Variants in PDE4D observed in about 807,000 individuals in gnomAD.
PDE4D encodes 3',5'-cyclic-AMP phosphodiesterase 4D.
Under a neutral mutation model 87.4 loss-of-function variants are expected in PDE4D, and 24 were observed. That is an observed-to-expected ratio of 0.27 (90% CI 0.20 to 0.39). PDE4D has a LOEUF of 0.39. Among genes scored for constraint, PDE4D ranks in the 10% least tolerant of loss-of-function variants. The pLI, the probability that PDE4D is intolerant of heterozygous loss-of-function variation, is 1.00. For synonymous variants in PDE4D, 384 were observed against 383.2 expected (o/e 1.00, Z -0.02); for missense variants, 714 against 1,041.0 (o/e 0.69, Z 4.32).
At chr5:58,984,367 G>T (rs1210744791) in intron 11 of PDE4D, among the ~76,000 whole-genome samples, 1 of 152,166 alleles carries the variant, frequency 6.6e-6, no homozygotes, top group African/African-American at 2.4e-5. Flanking sequence ...TTAAGAGCCA[G>T]GGATTTGTCT....
intron 3 of PDE4D, among the ~76,000 whole-genome samples, chr5:59,943,944 G>A (rs1757455149): frequency 6.6e-6 from 1 of 152,182 alleles, no homozygotes; most frequent in South Asian, 2.1e-4. Flanking sequence ...AAGATGAATG[G>A]CAAATGAGGA....
At chr5:59,364,043 T>C (rs904598394) in intron 1 of PDE4D, among the ~76,000 whole-genome samples, 1 of 152,222 alleles carries the variant, frequency 6.6e-6, no homozygotes, top group African/African-American at 2.4e-5. Flanking sequence ...GGGGCTACAA[T>C]AGAAATCCAG....
chr5:60,393,501 T>TA (rs1420478631), intron 1 of PDE4D, among the ~76,000 whole-genome samples: 2 of 152,154 alleles, frequency 1.3e-5, no homozygotes, highest in African/African-American at 4.8e-5. Context: ...CTACTACAAA[T>TA]AAAAAACACT....
intron 1 of PDE4D, among the ~76,000 whole-genome samples, chr5:59,827,566 A>G (rs1293814421): frequency 1.3e-5 from 2 of 152,160 alleles, no homozygotes; most frequent in East Asian, 3.9e-4. Context: ...TACTCACTCA[A>G]TTTTACTGCC....
intron 1 of PDE4D, among the ~76,000 whole-genome samples, chr5:60,465,934 G>A (rs1747320750): frequency 6.6e-6 from 1 of 150,542 alleles, no homozygotes; most frequent in African/African-American, 2.4e-5. Context: ...GAACAATGAA[G>A]GGACAGAGTA....
chr5:59,713,983 C>A (rs946938755), intron 1 of PDE4D, among the ~76,000 whole-genome samples: 14 of 152,092 alleles, frequency 9.2e-5, no homozygotes, highest in African/African-American at 3.4e-4. Flanking sequence ...AGGTGGGGTG[C>A]CTGAAGGCCT....
intron 1 of PDE4D, among the ~76,000 whole-genome samples, chr5:59,471,392 T>A (rs1193415561): frequency 6.6e-6 from 1 of 152,178 alleles, no homozygotes; most frequent in East Asian, 1.9e-4. Context: ...GAAGATTAAA[T>A]CAAAAAAGCT....
intron 1 of PDE4D, among the ~76,000 whole-genome samples, chr5:59,536,503 TCAAAAAAAAAAAAAA>T (rs1174535986): frequency 1.0e-4 from 2 of 19,902 alleles, no homozygotes; most frequent in African/African-American, 7.1e-4. Flanking sequence ...AGACTCAGCC[TCAAAAAAAAAAAAAA>T]AAAAAAAAAA....
chr5:59,974,089 C>T (rs903607636), intron 3 of PDE4D, among the ~76,000 whole-genome samples: 2 of 152,166 alleles, frequency 1.3e-5, no homozygotes, highest in African/African-American at 4.8e-5. Flanking sequence ...AAGGTCACAA[C>T]AGTAACCCCG....
intron 1 of PDE4D, among the ~76,000 whole-genome samples, chr5:60,329,728 G>A (rs1292125376): frequency 1.3e-5 from 2 of 151,878 alleles, no homozygotes; most frequent in South Asian, 2.1e-4. Context: ...TCTAAAAGTC[G>A]GAGAGAAAGC....
chr5:59,151,452 G>A (rs538702319), intron 5 of PDE4D, among the ~76,000 whole-genome samples: 1 of 152,250 alleles, frequency 6.6e-6, no homozygotes, highest in Admixed American at 6.5e-5. Context: ...TATCTGGTTG[G>A]TTTCTGTCTG....
At chr5:59,051,962 T>C (rs1190987268) in intron 5 of PDE4D, among the ~76,000 whole-genome samples, 2 of 152,198 alleles carry the variant, frequency 1.3e-5, no homozygotes, top group Non-Finnish European at 2.9e-5. Context: ...TTCTCTCTTT[T>C]TCCCCCTGAA....
chr5:59,429,232 C>T (rs1008185993), intron 1 of PDE4D, among the ~76,000 whole-genome samples: 3 of 152,136 alleles, frequency 2.0e-5, no homozygotes, highest in African/African-American at 4.8e-5. Flanking sequence ...GCAACTGAGC[C>T]ATGTTGGGTG....
In PDE4D at chr5:59,215,552, C is replaced by CGTGT. The variant is rs10693866; in HGVS notation, c.647+221_647+224dup. On this transcript the variant is annotated intron_variant, in intron 2 of 14. Transcript: ENST00000340635. ...TATTTTCTGGGAAAATAAATACATG[C>CGTGT]GTGTGTGTGTGTGTGTGTGTGTGTG... is the stretch of plus-strand genomic sequence containing the variant. The CGTGT allele has an allele frequency of 0.042, 15,221 of 363,598 alleles. 368 individuals are homozygous for CGTGT. Among genetic ancestry groups the CGTGT allele is most frequent in the African/African-American group, 0.12 (4,882 of 40,384 alleles). The allele number at this position is 363,598 out of a possible 1,614,324, so 22.5% of individuals were successfully genotyped here. A position where few individuals can be genotyped will look rare whatever the true frequency, so the allele number is the denominator to read the frequency against.
chr5:60,294,927 T>C (rs1753234571), intron 1 of PDE4D, among the ~76,000 whole-genome samples: 1 of 152,082 alleles, frequency 6.6e-6, no homozygotes, highest in Admixed American at 6.5e-5. Flanking sequence ...TTAAGATAAA[T>C]TTGAATATAT....
chr5:59,858,031 G>C (rs1745715553), intron 1 of PDE4D, among the ~76,000 whole-genome samples: 1 of 151,952 alleles, frequency 6.6e-6, no homozygotes, highest in Non-Finnish European at 1.5e-5. Flanking sequence ...GGAGGGAGTA[G>C]GGAGGCATGC....
chr5:60,031,152 T>A (rs995320788), intron 2 of PDE4D, among the ~76,000 whole-genome samples: 2 of 152,234 alleles, frequency 1.3e-5, no homozygotes, highest in African/African-American at 4.8e-5. Flanking sequence ...TTCCTTGACA[T>A]CTTTAGCATC....
At chr5:59,085,131 C>T (rs1767437621) in intron 5 of PDE4D, among the ~76,000 whole-genome samples, 1 of 152,046 alleles carries the variant, frequency 6.6e-6, no homozygotes, top group South Asian at 2.1e-4. Context: ...CACAATAGTG[C>T]TTATAATGTG....
intron 6 of PDE4D, among the ~76,000 whole-genome samples, chr5:59,021,830 A>C (rs927361862): frequency 6.6e-6 from 1 of 152,180 alleles, no homozygotes; most frequent in African/African-American, 2.4e-5. Context: ...GCATCTAATA[A>C]TAACCTATGA....
Sources: allele counts gnomAD v4.1 joint callset (sites outside exome capture counted in the v4.1 genomes callset), GRCh38; gene constraint gnomAD v4.1.1; transcripts MANE v1.5; gene names NCBI Gene and HGNC (gene_info 2026-07-23, HGNC 2026-07-21).